Variants in CHD9 observed in about 807,000 individuals in gnomAD.
CHD9 encodes ATP-dependent chromatin remodeler CHD9.
In CHD9, 77 loss-of-function variants were observed where a neutral mutation model predicts 316.1. The observed-to-expected ratio is 0.24, with a 90% confidence interval of 0.20 to 0.29. The LOEUF is 0.29. Ranked by LOEUF, CHD9 falls within the 10% of genes least tolerant of loss-of-function variation. CHD9 has a pLI of 1.00. For synonymous variants in CHD9, 1,129 were observed against 1,158.3 expected, an observed-to-expected ratio of 0.97 and a Z score of 0.51; for missense variants, 2,763 against 3,438.1, an observed-to-expected ratio of 0.80 and a Z score of 4.91.
At chr16:53,153,019 T>A (rs181625646) in intron 1 of CHD9, among the ~76,000 whole-genome samples, 1 of 152,288 alleles carries the variant, frequency 6.6e-6, no homozygotes, top group East Asian at 1.9e-4. Context: ...AAGTTAAGTG[T>A]TTCAAGGAGG....
intron 1 of CHD9, among the ~76,000 whole-genome samples, chr16:53,136,762 T>G (rs2152695753): frequency 6.6e-6 from 1 of 152,272 alleles, no homozygotes; most frequent in Non-Finnish European, 1.5e-5. Context: ...GAGTGTTTAT[T>G]GAAATCAGTA....
At chr16:53,177,720 C>T (rs75563648) in intron 2 of CHD9, among the ~76,000 whole-genome samples, 4,962 of 152,194 alleles carry the variant, frequency 0.033, 101 homozygotes, top group Middle Eastern at 0.078. Context: ...CTCTCATTAC[C>T]GTGTGCCTAA....
intron 1 of CHD9, among the ~76,000 whole-genome samples, chr16:53,069,565 G>A (rs1229044467): frequency 2.6e-5 from 4 of 152,118 alleles, no homozygotes; most frequent in Non-Finnish European, 4.4e-5. Context: ...TAAGCCTAAT[G>A]TCTTCAAGGT....
chr16:53,304,501 T>TTCTTCA lies in CHD9; in HGVS notation c.6506_6511dup (p.Ser2169_Ser2170dup). On this transcript the variant is annotated inframe_insertion, in exon 31 of 39. Coordinates refer to ENST00000447540, the MANE Select transcript of CHD9 (RefSeq NM_001308319.2). ...CCCACTCTCGATCAGGCTCTAGTTCTTCTTCATCTTCATCTTGTTCTTCAG... is the reference window on the plus strand; with the variant it reads ...CCCACTCTCGATCAGGCTCTAGTTCTTCTTCATCTTCATCTTCATCTTGTTCTTCAG... The TTCTTCA allele has an allele frequency of 6.5e-7, 1 of 1,543,512 alleles. No homozygotes were observed.
intron 1 of CHD9, among the ~76,000 whole-genome samples, chr16:53,132,091 A>T (rs896992208): frequency 5.7e-5 from 8 of 140,156 alleles, no homozygotes; most frequent in African/African-American, 1.6e-4. Context: ...TTTATTTTTA[A>T]AAAAAATTTT....
intron 3 of CHD9, among the ~76,000 whole-genome samples, chr16:53,212,944 G>A (rs951343588): frequency 6.6e-5 from 10 of 152,088 alleles, no homozygotes; most frequent in Non-Finnish European, 1.3e-4. Flanking sequence ...AGTCATTATT[G>A]TTTTCTGACA....
intron 3 of CHD9, among the ~76,000 whole-genome samples, chr16:53,210,556 C>T (rs1267826349): frequency 2.6e-5 from 4 of 151,958 alleles, no homozygotes; most frequent in Non-Finnish European, 5.9e-5. Flanking sequence ...GCTTAGCATG[C>T]AAGGGTAAGC....
Position 53,297,168 on chromosome 16 carries a change from A to C in CHD9, c.5713+10A>C, listed in dbSNP as rs1402367516. The C allele has an allele frequency of 6.3e-7, 1 of 1,594,452 alleles. No homozygotes were observed. The highest frequency in any genetic ancestry group is 1.3e-5 in the African/African-American group (1 of 74,240). On this transcript the variant is annotated intron_variant, in intron 30 of 38. Transcript: ENST00000447540. ...CTTCCTTCCAAAGAAGGTATGTATA[A>C]AATTTCTTTTTCCTGGTTTCGGTCA...
intron 3 of CHD9, among the ~76,000 whole-genome samples, chr16:53,218,072 A>G (rs1242827033): frequency 6.6e-6 from 1 of 151,844 alleles, no homozygotes. Context: ...CTTTTTTCCT[A>G]TCATGGAAAC....
At chr16:53,120,748 T>G (rs180880231) in intron 1 of CHD9, among the ~76,000 whole-genome samples, 1 of 152,382 alleles carries the variant, frequency 6.6e-6, no homozygotes, top group Non-Finnish European at 1.5e-5. Flanking sequence ...CTCACGCCTG[T>G]AATCTCAGCA....
intron 2 of CHD9, among the ~76,000 whole-genome samples, chr16:53,166,999 C>G (rs535033933): frequency 7.0e-6 from 1 of 143,294 alleles, no homozygotes; most frequent in African/African-American, 2.5e-5. Flanking sequence ...TCATGACTTG[C>G]TTGCTGTCAC....
intron 1 of CHD9, among the ~76,000 whole-genome samples, chr16:53,105,465 T>G (rs187532716): frequency 6.6e-6 from 1 of 152,362 alleles, no homozygotes; most frequent in Admixed American, 6.5e-5. Flanking sequence ...GTCTTCTCAT[T>G]TTTTAAAAAT....
Position 53,156,906 on chromosome 16 carries a change from C to T in CHD9, c.817C>T (p.His273Tyr). 6.2e-7 allele frequency: 1 copy of T among 1,613,530 alleles called. No homozygotes were observed. The highest frequency in any genetic ancestry group is 8.5e-7 in the Non-Finnish European group (1 of 1,179,538). The part of the protein sequence containing the change: ...SVSNSQQFSS[H>Y]YSFSSNHISP... ...CAGTAATTCACAGCAATTTTCTTCA[C>T]ATTATTCCTTTTCCAGTAATCATAT... The change falls in exon 2 of 39, where the codon CAT becomes TAT. Residue 273 changes from histidine (H) to tyrosine (Y), a missense_variant. Coordinates refer to ENST00000447540, the MANE Select transcript of CHD9 (RefSeq NM_001308319.2).
intron 1 of CHD9, among the ~76,000 whole-genome samples, chr16:53,140,405 C>T (rs1254287040): frequency 3.1e-5 from 4 of 129,912 alleles, no homozygotes; most frequent in Non-Finnish European, 6.3e-5. Context: ...TGACAGAGCA[C>T]AACTCTGTCT....
chr16:53,323,986 G>A, intron 38 of CHD9, 34 bp from the exon 39 acceptor site: 1 of 1,510,364 alleles, frequency 6.6e-7, no homozygotes, highest in Non-Finnish European at 9.0e-7. Flanking sequence ...TTATTTTCAT[G>A]TAGGGATTAT....
chr16:53,208,450 C>T (rs2046059530), intron 2 of CHD9: 2 of 1,192,774 alleles, frequency 1.7e-6, no homozygotes, highest in Non-Finnish European at 2.1e-6. Flanking sequence ...CTACGGGAGT[C>T]GTACTGCATC....
chr16:53,133,788 T>C (rs190417537), intron 1 of CHD9, among the ~76,000 whole-genome samples: 2 of 152,258 alleles, frequency 1.3e-5, no homozygotes, highest in East Asian at 3.9e-4. Context: ...GAAACTTTAA[T>C]TACAAACTTC....
intron 2 of CHD9, among the ~76,000 whole-genome samples, chr16:53,205,645 A>T (rs927685232): frequency 2.0e-5 from 3 of 152,228 alleles, no homozygotes; most frequent in Non-Finnish European, 4.4e-5. Context: ...TCATAGATTT[A>T]TTAAGGTTTA....
chr16:53,291,112 T>C (rs1335582812), intron 27 of CHD9, among the ~76,000 whole-genome samples: 2 of 152,114 alleles, frequency 1.3e-5, no homozygotes, highest in African/African-American at 4.8e-5. Context: ...AAAGAGAAGA[T>C]ATTAAAAGCA....
Sources: allele counts gnomAD v4.1 joint callset (sites outside exome capture counted in the v4.1 genomes callset), GRCh38; gene constraint gnomAD v4.1.1; transcripts MANE v1.5; gene names NCBI Gene and HGNC (gene_info 2026-07-23, HGNC 2026-07-21).